The following PCDHA3 variants were observed in gnomAD, a reference collection of about 807,000 sequenced individuals.
PCDHA3 encodes protocadherin alpha-3.
A neutral mutation model predicts 62.2 loss-of-function variants in PCDHA3; 41 were observed. The observed-to-expected ratio is 0.66, with a 90% CI of 0.51 to 0.86. The LOEUF is 0.86. PCDHA3 is among the 40% of genes least tolerant of loss of function. PCDHA3 has a pLI of 0.00. For missense variants in PCDHA3, 1,304 were observed against 1,241.2 expected, an observed-to-expected ratio of 1.05 and a Z score of -0.76; for synonymous variants, 640 against 555.4, an observed-to-expected ratio of 1.15 and a Z score of -2.14.
intron 1 of PCDHA3, among the ~76,000 whole-genome samples, chr5:140,896,219 T>A (rs1212681477): frequency 1.3e-5 from 2 of 152,252 alleles, no homozygotes; most frequent in African/African-American, 2.4e-5. Flanking sequence ...TACATGTGTC[T>A]TTATAGTAGA....
chr5:140,918,473 T>G (rs1385942505), intron 1 of PCDHA3, among the ~76,000 whole-genome samples: 1 of 152,284 alleles, frequency 6.6e-6, no homozygotes, highest in East Asian at 1.9e-4. Context: ...ATTCCAAGTC[T>G]CAAGGGGAAT....
intron 1 of PCDHA3, chr5:140,824,550 C>G (rs1768160543): frequency 1.1e-5 from 2 of 175,504 alleles, no homozygotes; most frequent in Non-Finnish European, 2.4e-5. Context: ...CTCCTGGGCT[C>G]AAGTGATCCT....
At chr5:140,875,253 A>C in intron 1 of PCDHA3, 1 of 1,053,108 alleles carries the variant, frequency 9.5e-7, no homozygotes, top group Non-Finnish European at 1.3e-6. Flanking sequence ...AATCAGTCAC[A>C]TGATGTCGCT....
intron 1 of PCDHA3, chr5:140,850,578 G>T: frequency 6.3e-7 from 1 of 1,598,460 alleles, no homozygotes; most frequent in Non-Finnish European, 8.6e-7. Context: ...GACGCTGGTG[G>T]ATGTCAACGT....
chr5:140,883,980 G>A, intron 1 of PCDHA3: 1 of 1,612,872 alleles, frequency 6.2e-7, no homozygotes, highest in Non-Finnish European at 8.5e-7. Context: ...CCCGGGGCTG[G>A]CAGCGCGGGA....
chr5:140,834,172 G>C (rs114972611), intron 1 of PCDHA3: 25 of 551,148 alleles, frequency 4.5e-5, no homozygotes, highest in Non-Finnish European at 5.7e-5. Flanking sequence ...TTACTTACAT[G>C]ATGGCCACAT....
rs557642190 is a variant in PCDHA3 at position 140,808,262 on chromosome 5, A to G, written c.2394+4671A>G. 1.4e-5 allele frequency: 23 copies of G among 1,614,256 alleles called. No individual in the cohort carries two copies. In the South Asian group the frequency reaches 1.8e-4, roughly 12 times the overall value. On this transcript the variant is annotated intron_variant, in intron 1 of 3. Coordinates refer to ENST00000522353, the MANE Select transcript of PCDHA3 (RefSeq NM_018906.3). ...GGAATTCAAGTCTTTATCACTTCCA[A>G]TTAGAGAGGACGCTCCACTGGGTAC...
intron 3 of PCDHA3, among the ~76,000 whole-genome samples, chr5:141,008,894 A>G (rs782674482): frequency 9.9e-5 from 15 of 152,254 alleles, no homozygotes; most frequent in Non-Finnish European, 1.8e-4. Context: ...TGTTATTACA[A>G]TAAAATTAAG....
At chr5:140,880,791 A>G (rs950375774) in intron 1 of PCDHA3, among the ~76,000 whole-genome samples, 4 of 152,242 alleles carry the variant, frequency 2.6e-5, no homozygotes, top group Non-Finnish European at 4.4e-5. Context: ...GAGGAGTAAT[A>G]TAAATAGGTG....
chr5:140,834,556 A>G (rs2150220924), intron 1 of PCDHA3: 2 of 1,613,934 alleles, frequency 1.2e-6, no homozygotes, highest in African/African-American at 2.7e-5. Context: ...GAGCTGGCGG[A>G]GCTGGTGCCG....
chr5:140,916,621 C>T (rs1031371866), intron 1 of PCDHA3, among the ~76,000 whole-genome samples: 8 of 152,200 alleles, frequency 5.3e-5, no homozygotes, highest in Non-Finnish European at 1.2e-4. Flanking sequence ...TGACTCTACT[C>T]AATGCCCTAT....
intron 1 of PCDHA3, among the ~76,000 whole-genome samples, chr5:140,889,411 T>A (rs1262087176): frequency 6.6e-6 from 1 of 152,020 alleles, no homozygotes; most frequent in Non-Finnish European, 1.5e-5. Flanking sequence ...CTCGAGTCAG[T>A]TACGTAGATA....
At chr5:140,868,907 AC>A in intron 1 of PCDHA3, 2 of 869,128 alleles carry the variant, frequency 2.3e-6, no homozygotes, top group Non-Finnish European at 3.4e-6. Flanking sequence ...GTCGCTCTTT[AC>A]TTGGTGGAAA....
At chr5:140,811,370 G>A (rs964805506) in intron 1 of PCDHA3, 7 of 152,158 alleles carry the variant, frequency 4.6e-5, no homozygotes, top group African/African-American at 1.7e-4. Context: ...AGTCTTCCAT[G>A]GTGTATATGT....
At chr5:140,925,689 G>C (rs1341368297) in intron 1 of PCDHA3, among the ~76,000 whole-genome samples, 1 of 147,806 alleles carries the variant, frequency 6.8e-6, no homozygotes, top group Non-Finnish European at 1.5e-5. Flanking sequence ...AGCGAGGGTG[G>C]GTATCTAGCC....
chr5:140,898,147 C>T (rs2066556304), intron 1 of PCDHA3, among the ~76,000 whole-genome samples: 1 of 152,150 alleles, frequency 6.6e-6, no homozygotes, highest in African/African-American at 2.4e-5. Flanking sequence ...GTTGCCTGTT[C>T]ACGCTGATGG....
intron 1 of PCDHA3, chr5:140,849,742 A>G: frequency 6.3e-7 from 1 of 1,598,398 alleles, no homozygotes; most frequent in South Asian, 1.1e-5. Context: ...CTGGACCGCG[A>G]GAGTGTGTCC....
intron 3 of PCDHA3, among the ~76,000 whole-genome samples, chr5:140,999,519 G>A (rs1303009823): frequency 6.6e-6 from 1 of 152,074 alleles, no homozygotes; most frequent in Non-Finnish European, 1.5e-5. Context: ...TAAGCATTTT[G>A]TTACCCCCTG....
chr5:140,873,126 G>A (rs2054115570), intron 1 of PCDHA3, among the ~76,000 whole-genome samples: 1 of 152,124 alleles, frequency 6.6e-6, no homozygotes, highest in Admixed American at 6.5e-5. Context: ...AATATTCAAA[G>A]AGTCTATGCT....
Sources: allele counts gnomAD v4.1 joint callset (sites outside exome capture counted in the v4.1 genomes callset), GRCh38; gene constraint gnomAD v4.1.1; transcripts MANE v1.5; gene names NCBI Gene and HGNC (gene_info 2026-07-23, HGNC 2026-07-21).